The following TRAPPC10 variants were observed in gnomAD, a reference collection of about 807,000 sequenced individuals.
TRAPPC10 encodes trafficking protein particle complex subunit 10.
A neutral mutation model predicts 125.5 loss-of-function variants in TRAPPC10; 23 were observed. The ratio of observed to expected loss-of-function variants is 0.18; its 90% confidence interval spans 0.13 to 0.26. TRAPPC10 has a LOEUF of 0.26. Ranked by LOEUF, TRAPPC10 falls within the 10% of genes least tolerant of loss-of-function variation. The probability of loss-of-function intolerance (pLI) is 1.00; values close to 1 mark genes in which losing one functional copy is unlikely to be tolerated. For missense variants in TRAPPC10, 1,123 were observed against 1,308.4 expected, an observed-to-expected ratio of 0.86 and a Z score of 2.19; for synonymous variants, 509 against 518.0, an observed-to-expected ratio of 0.98 and a Z score of 0.24.
chr21:44,022,276 ATTTTTTTTTTTTT>A (rs58767563), intron 1 of TRAPPC10, among the ~76,000 whole-genome samples: 1 of 83,816 alleles, frequency 1.2e-5, no homozygotes, highest in East Asian at 3.3e-4. Flanking sequence ...GCCTGGCTAA[ATTTTTTTTTTTTT>A]TTTTTTTTTT....
At chr21:44,081,768 A>C (rs990948250) in intron 13 of TRAPPC10, among the ~76,000 whole-genome samples, 1 of 152,114 alleles carries the variant, frequency 6.6e-6, no homozygotes, top group Non-Finnish European at 1.5e-5. Context: ...AGTCCCAGCT[A>C]CCCAGGAGGC....
chr21:44,065,189 G>A (rs182376232), intron 7 of TRAPPC10, among the ~76,000 whole-genome samples: 1 of 152,310 alleles, frequency 6.6e-6, no homozygotes, highest in Non-Finnish European at 1.5e-5. Context: ...GGAGAGGGCT[G>A]TTAGTTTTGT....
In TRAPPC10 at chr21:44,079,645, C is replaced by T. The variant is rs2037538071; in HGVS notation, c.1551C>T (p.Pro517=). 1 of 1,611,424 alleles carries T rather than the reference C, an allele frequency of 6.2e-7. No individual in the cohort carries two copies. The part of the protein sequence containing the change: ...KNYLAEGWAL[P]ITHTRKQLAE... ...ACCTGGCTGAGGGCTGGGCACTCCC[C>T]ATCACACACACAAGGAAGCAGCTGG... Residue 517 remains proline, a synonymous_variant, in exon 12 of 23, where the codon CCC becomes CCT. Coordinates refer to ENST00000291574, the MANE Select transcript of TRAPPC10 (RefSeq NM_003274.5).
rs1432465256 is a variant in TRAPPC10 at position 44,046,871 on chromosome 21, A to T, written c.286-5409A>T. ...TCCCTCTGCAGCGAGGTACTCCAGG[A>T]TGGCTGTGTTGTACACAGCGGCAGT... On this transcript the variant is annotated intron_variant, in intron 3 of 22. Coordinates refer to ENST00000291574, the MANE Select transcript of TRAPPC10 (RefSeq NM_003274.5). 11 of 769,614 alleles carry T rather than the reference A, an allele frequency of 1.4e-5. No homozygotes were observed. In the East Asian group the frequency reaches 3.1e-4, roughly 22 times the overall value. The allele number at this position is 769,614 out of a possible 1,614,324, so 47.7% of individuals were successfully genotyped here. A position where few individuals can be genotyped will look rare whatever the true frequency, so the allele number is the denominator to read the frequency against.
At chr21:44,058,985 C>T (rs1480680512) in intron 5 of TRAPPC10, 118 bp from the exon 6 acceptor site, 13 of 662,212 alleles carry the variant, frequency 2.0e-5, no homozygotes, top group South Asian at 6.5e-5. Context: ...CTTAGCGGAG[C>T]GTAGACATTA....
chr21:44,018,032 A>T (rs1282437841), intron 1 of TRAPPC10, among the ~76,000 whole-genome samples: 1 of 152,104 alleles, frequency 6.6e-6, no homozygotes, highest in East Asian at 1.9e-4. Context: ...ATACTTTAGA[A>T]TTGAAAAGCT....
chr21:44,073,112 CCTA>C (rs1422439848), intron 7 of TRAPPC10, among the ~76,000 whole-genome samples: 1 of 151,550 alleles, frequency 6.6e-6, no homozygotes, highest in African/African-American at 2.4e-5. Context: ...CAGTTTTTGA[CCTA>C]CACTGATTTT....
intron 1 of TRAPPC10, among the ~76,000 whole-genome samples, chr21:44,013,729 C>T (rs1374831244): frequency 1.3e-5 from 2 of 152,116 alleles, no homozygotes; most frequent in African/African-American, 2.4e-5. Context: ...CCTCCTCTCT[C>T]TTTTTTTTCT....
At chr21:44,092,946 G>A (rs2038687912) in intron 19 of TRAPPC10, among the ~76,000 whole-genome samples, 1 of 152,130 alleles carries the variant, frequency 6.6e-6, no homozygotes, top group Non-Finnish European at 1.5e-5. Flanking sequence ...ACAGGCACCC[G>A]CCAACACGCC....
In TRAPPC10 at chr21:44,087,059, G is replaced by T; in HGVS notation, c.2539+99G>T. 2 of 1,405,322 alleles carry T rather than the reference G, an allele frequency of 1.4e-6. No homozygotes were observed. Among genetic ancestry groups the T allele is most frequent in the Non-Finnish European group, 1.9e-6 (2 of 1,026,890 alleles). 87.1% of individuals were successfully genotyped at this position (1,405,322 alleles called of 1,614,324 possible). A position where few individuals can be genotyped will look rare whatever the true frequency, so the allele number is the denominator to read the frequency against. ...TGGCCTTGCTGCCATCCTGCTGAGC[G>T]CCCCTCAACAGTGTCTGGAGTCCGT... On this transcript the variant is annotated intron_variant, in intron 16 of 22. Transcript: ENST00000291574. This position sits in a 1 kb window ranked among gnomAD's most constrained non-coding sequence, Gnocchi z 4.6.
intron 19 of TRAPPC10, among the ~76,000 whole-genome samples, chr21:44,093,435 CAG>C (rs1484113921): frequency 5.3e-5 from 8 of 149,734 alleles, no homozygotes; most frequent in African/African-American, 2.0e-4. Flanking sequence ...GCCTGGGTGA[CAG>C]AGTGAGACCC....
chr21:44,093,815 G>T (rs905183374), intron 19 of TRAPPC10, among the ~76,000 whole-genome samples: 1 of 152,134 alleles, frequency 6.6e-6, no homozygotes, highest in Non-Finnish European at 1.5e-5. Flanking sequence ...AAAACTTATG[G>T]TATCATAAAA....
rs138401700 is a variant in TRAPPC10, at chr21:44,086,851, C to T, written c.2430C>T (p.Thr810=). ...IPQRVKFTVT[T]GHYTIKNGDS... Reference sequence around the variant, plus strand: ...AGAGAGTCAAGTTCACTGTCACTACCGGCCATTATACGATAAAGAATGGAG... The same window carrying T: ...AGAGAGTCAAGTTCACTGTCACTACTGGCCATTATACGATAAAGAATGGAG... Residue 810 remains threonine, a synonymous_variant, in exon 16 of 23, where the codon ACC becomes ACT. Coordinates refer to ENST00000291574, the MANE Select transcript of TRAPPC10 (RefSeq NM_003274.5). The T allele has an allele frequency of 3.8e-5, 62 of 1,614,174 alleles. No homozygotes were observed. The East Asian group carries it at 5.8e-4, about 15-fold the overall frequency.
intron 3 of TRAPPC10, among the ~76,000 whole-genome samples, chr21:44,039,633 A>G (rs1436828824): frequency 6.6e-6 from 1 of 152,182 alleles, no homozygotes; most frequent in African/African-American, 2.4e-5. Flanking sequence ...TTGGGAGGCC[A>G]AGGCGGGTGG....
At chr21:44,062,770 G>A (rs2036155723) in intron 6 of TRAPPC10, 2 of 985,354 alleles carry the variant, frequency 2.0e-6, no homozygotes, top group Non-Finnish European at 2.4e-6. Context: ...GGTCTGAGGA[G>A]AAGCTCACGT....
In TRAPPC10 at chr21:44,070,804, T is replaced by C. The variant is rs116366432; in HGVS notation, c.1039-3520T>C. ...TGTCCCCTTCCCCCGAGCTCTTGCG[T>C]CTCTGCTGCAGGGATGCTGGTGGGA... On this transcript the variant is annotated intron_variant, in intron 7 of 22. Transcript: ENST00000291574. Among the ~76,000 whole-genome samples, 607 of 152,334 alleles carry C rather than the reference T, an allele frequency of 4.0e-3. 5 individuals carry two copies. Among genetic ancestry groups the C allele is most frequent in the African/African-American group, 0.014 (586 of 41,568 alleles).
chr21:44,013,486 C>T lies in TRAPPC10; in HGVS notation c.67+926C>T, dbSNP rs548794747. On this transcript the variant is annotated intron_variant, in intron 1 of 22. Coordinates refer to ENST00000291574, the MANE Select transcript of TRAPPC10 (RefSeq NM_003274.5). ...AGTTTTTTTCTAGTTGTCTTTCGTG[C>T]TTGGAAAGGAAGCACTCTCTGTTGC... is the stretch of plus-strand genomic sequence containing the variant. Among the ~76,000 whole-genome samples the T allele has an allele frequency of 2.2e-4, 34 of 152,240 alleles. No individual in the cohort carries two copies. The South Asian group carries it at 6.6e-3, about 30-fold the overall frequency.
intron 13 of TRAPPC10, among the ~76,000 whole-genome samples, chr21:44,080,631 G>A (rs1284549431): frequency 1.3e-5 from 2 of 151,532 alleles, no homozygotes. Context: ...TCCGTCTCCC[G>A]GGTTCAAGCA....
intron 3 of TRAPPC10, chr21:44,046,230 T>C (rs1006346785): frequency 5.1e-6 from 1 of 195,862 alleles, no homozygotes; most frequent in Non-Finnish European, 1.2e-5. Context: ...CTTGCTTAAA[T>C]AGAATTACAG....
Sources: allele counts gnomAD v4.1 joint callset (sites outside exome capture counted in the v4.1 genomes callset), GRCh38; gene constraint gnomAD v4.1.1; non-coding constraint Gnocchi (gnomAD v3.1); transcripts MANE v1.5; gene names NCBI Gene and HGNC (gene_info 2026-07-23, HGNC 2026-07-21).